Variants in PTPRQ observed in about 807,000 individuals in gnomAD.
PTPRQ encodes the protein phosphatidylinositol phosphatase PTPRQ.
Under a neutral mutation model 246.0 loss-of-function variants are expected in PTPRQ, and 199 were observed. The ratio of observed to expected loss-of-function variants is 0.81; its 90% confidence interval spans 0.72 to 0.91. PTPRQ has a LOEUF of 0.91. Among genes scored for constraint, PTPRQ ranks in the 40% least tolerant of loss-of-function variants. PTPRQ has a pLI of 0.00. For missense variants in PTPRQ, 2,624 were observed against 2,528.4 expected (o/e 1.04, Z -0.81); for synonymous variants, 869 against 853.2 (o/e 1.02, Z -0.32).
At chr12:80,510,831 G>A (rs1280100187) in intron 17 of PTPRQ, among the ~76,000 whole-genome samples, 1 of 151,998 alleles carries the variant, frequency 6.6e-6, no homozygotes, top group African/African-American at 2.4e-5. Flanking sequence ...ATTTAAAATA[G>A]CTATTTTTAA....
At chr12:80,506,742 C>T (rs1748469669) in intron 16 of PTPRQ, 72 bp downstream of exon 16, 4 of 1,382,542 alleles carry the variant, frequency 2.9e-6, no homozygotes, top group Non-Finnish European at 3.9e-6. Context: ...TAGAATGAAA[C>T]AATGTAAAAA....
At chr12:80,506,765 T>C in intron 16 of PTPRQ, 95 bp downstream of exon 16, 1 of 1,109,340 alleles carries the variant, frequency 9.0e-7, no homozygotes, top group Non-Finnish European at 1.3e-6. Context: ...CCTCTAGTCA[T>C]GGGTATCAGT....
intron 23 of PTPRQ, among the ~76,000 whole-genome samples, chr12:80,543,998 A>G (rs1896230468): frequency 6.6e-6 from 1 of 152,092 alleles, no homozygotes; most frequent in South Asian, 2.1e-4. Context: ...GAGTAATCGC[A>G]TTCCTAGGAT....
intron 39 of PTPRQ, among the ~76,000 whole-genome samples, chr12:80,662,530 A>G (rs957276834): frequency 5.3e-5 from 8 of 152,014 alleles, no homozygotes; most frequent in Non-Finnish European, 8.8e-5. Flanking sequence ...ACACTGATAA[A>G]GTAGGAATAA....
chr12:80,543,040 A>T (rs1198841051), intron 23 of PTPRQ, among the ~76,000 whole-genome samples, 159 bp downstream of exon 23: 1 of 152,100 alleles, frequency 6.6e-6, no homozygotes, highest in Non-Finnish European at 1.5e-5. Context: ...GGAAAACACA[A>T]GCAAGCGTTT....
intron 26 of PTPRQ, among the ~76,000 whole-genome samples, chr12:80,592,275 T>G (rs972566262): frequency 2.0e-5 from 3 of 152,252 alleles, no homozygotes; most frequent in African/African-American, 7.2e-5. Flanking sequence ...TTGAGGATAA[T>G]TCTTTAAATT....
At chr12:80,507,245 T>C (rs1434000227) in intron 16 of PTPRQ, among the ~76,000 whole-genome samples, 1 of 152,024 alleles carries the variant, frequency 6.6e-6, no homozygotes, top group African/African-American at 2.4e-5. Flanking sequence ...TTTACATTGA[T>C]ACCTTACCAA....
At chr12:80,534,766 A>T in intron 18 of PTPRQ, 126 bp from the exon 19 acceptor site, 1 of 1,198,886 alleles carries the variant, frequency 8.3e-7, no homozygotes, top group Non-Finnish European at 1.1e-6. Flanking sequence ...TGACATTTCT[A>T]ATTCAAGCTT....
rs1462074189 is a variant in PTPRQ at position 80,610,570 on chromosome 12, T to C, written c.4863T>C (p.Ala1621=). 1 of 1,543,896 alleles carries C rather than the reference T, an allele frequency of 6.5e-7. No individual in the cohort carries two copies. Among genetic ancestry groups the C allele is most frequent in the African/African-American group, 1.4e-5 (1 of 72,532 alleles). The change falls in exon 28 of 45, where the codon GCT becomes GCC. Residue 1621 remains alanine, a synonymous_variant. Coordinates refer to ENST00000644991, the MANE Select transcript of PTPRQ (RefSeq NM_001145026.2). ...VITAFTGNIS[A]AYVEGKSSAE... ...CTGCATTTACTGGGAACATTAGTGC[T>C]GCATATGTAGAAGGGAAGTCAAGTG...
chr12:80,619,334 T>C, intron 30 of PTPRQ, 50 bp from the exon 31 acceptor site: 1 of 1,510,936 alleles, frequency 6.6e-7, no homozygotes, highest in Non-Finnish European at 8.9e-7. Flanking sequence ...TTTTCTTTTG[T>C]TGATGAAACA....
intron 17 of PTPRQ, among the ~76,000 whole-genome samples, chr12:80,533,069 G>A (rs1016890392): frequency 2.0e-5 from 3 of 152,096 alleles, no homozygotes; most frequent in Non-Finnish European, 4.4e-5. Flanking sequence ...AGAAAAATAT[G>A]AGATTACATG....
chr12:80,482,472 C>A (rs1172302468), intron 8 of PTPRQ, among the ~76,000 whole-genome samples: 1 of 151,612 alleles, frequency 6.6e-6, no homozygotes, highest in Non-Finnish European at 1.5e-5. Context: ...TGGGCAAGGA[C>A]TTCATGTCTA....
At chr12:80,661,017 G>T (rs568301781) in intron 39 of PTPRQ, among the ~76,000 whole-genome samples, 36 of 151,868 alleles carry the variant, frequency 2.4e-4, no homozygotes, top group East Asian at 9.7e-4. Context: ...ACCACGTAAG[G>T]ATGGAGATTC....
At chr12:80,530,000 T>C (rs1895797248) in intron 17 of PTPRQ, among the ~76,000 whole-genome samples, 2 of 152,190 alleles carry the variant, frequency 1.3e-5, no homozygotes, top group African/African-American at 4.8e-5. Flanking sequence ...ATAATTATTG[T>C]GTAACATTTA....
At chr12:80,492,999 A>G (rs1894495479) in intron 9 of PTPRQ, among the ~76,000 whole-genome samples, 1 of 151,922 alleles carries the variant, frequency 6.6e-6, no homozygotes, top group African/African-American at 2.4e-5. Flanking sequence ...ATCTTACCAT[A>G]AAGAAACCAA....
At chr12:80,665,179 C>T (rs1900745992) in intron 39 of PTPRQ, among the ~76,000 whole-genome samples, 2 of 151,876 alleles carry the variant, frequency 1.3e-5, no homozygotes, top group South Asian at 4.1e-4. Context: ...TCCCAGAGTC[C>T]AAAAGCTGAA....
intron 19 of PTPRQ, among the ~76,000 whole-genome samples, chr12:80,535,923 C>T (rs1592626606): frequency 1.3e-5 from 2 of 152,004 alleles, no homozygotes; most frequent in Non-Finnish European, 2.9e-5. Flanking sequence ...CTGGCTAACA[C>T]GGTGAAACCC....
At chr12:80,591,419 A>G (rs1352252804) in intron 26 of PTPRQ, among the ~76,000 whole-genome samples, 1 of 152,100 alleles carries the variant, frequency 6.6e-6, no homozygotes, top group African/African-American at 2.4e-5. Flanking sequence ...ATGAGCTACC[A>G]TCCCACGCAT....
chr12:80,570,987 C>T (rs2120954748), intron 25 of PTPRQ, among the ~76,000 whole-genome samples: 1 of 152,244 alleles, frequency 6.6e-6, no homozygotes, highest in African/African-American at 2.4e-5. Flanking sequence ...GTTACTGTAG[C>T]CTTGTAATAT....
Sources: gnomAD v4.1 joint callset for allele counts (sites outside exome capture counted in the v4.1 genomes callset) on GRCh38, gnomAD v4.1.1 for gene constraint, MANE v1.5 for transcripts, NCBI Gene and HGNC (gene_info 2026-07-23, HGNC 2026-07-21) for gene names.